LIG1: variants seen among roughly 807,000 people sequenced by gnomAD.
The protein encoded by LIG1 is ligase I, DNA, ATP-dependent.
LIG1 carries 70 observed loss-of-function variants against 115.7 expected under a neutral mutation model. That is an observed-to-expected ratio of 0.60 (90% CI 0.50 to 0.74). The LOEUF (loss-of-function observed/expected upper bound fraction) is 0.74. Among genes scored for constraint, LIG1 ranks in the 30% least tolerant of loss-of-function variants. The probability of loss-of-function intolerance (pLI) is 0.00; values close to 1 mark genes in which losing one functional copy is unlikely to be tolerated. For missense variants in LIG1, 1,115 were observed against 1,225.6 expected (o/e 0.91, Z 1.35); for synonymous variants, 487 against 495.3 (o/e 0.98, Z 0.22).
intron 4 of LIG1, 178 bp downstream of exon 4, chr19:48,161,194 T>C: frequency 1.2e-6 from 1 of 846,918 alleles, no homozygotes; most frequent in Non-Finnish European, 1.9e-6. Flanking sequence ...CCACCCGAGG[T>C]CCTAGGGCAG....
chr19:48,135,641 CA>C (rs2034331186), intron 16 of LIG1, 38 bp downstream of exon 16: 1 of 1,540,376 alleles, frequency 6.5e-7, no homozygotes, highest in Non-Finnish European at 9.0e-7. Context: ...GCACTCTGCC[CA>C]CAGCCCCTGG....
intron 24 of LIG1, among the ~76,000 whole-genome samples, chr19:48,119,608 G>A (rs2033129054): frequency 7.4e-6 from 1 of 135,318 alleles, no homozygotes; most frequent in Non-Finnish European, 1.5e-5. Context: ...GTGCAATCTT[G>A]GCTCACTGCA....
intron 4 of LIG1, among the ~76,000 whole-genome samples, chr19:48,159,080 A>ATT (rs35538558): frequency 0.31 from 44,096 of 140,580 alleles, 7,584 homozygotes; most frequent in East Asian, 0.56. Flanking sequence ...GTCTCAGATA[A>ATT]TTTTTTTTTT....
chr19:48,129,010 T>G (rs2033851620), intron 19 of LIG1, among the ~76,000 whole-genome samples: 2 of 152,050 alleles, frequency 1.3e-5, no homozygotes, highest in South Asian at 4.1e-4. Context: ...TCTGCCTGCT[T>G]TGGCCTCCCA....
chr19:48,161,189 C>A (rs992827325), intron 4 of LIG1, 183 bp downstream of exon 4: 1 of 790,926 alleles, frequency 1.3e-6, no homozygotes. Flanking sequence ...GGAGCCCACC[C>A]GAGGTCCTAG....
intron 9 of LIG1, among the ~76,000 whole-genome samples, chr19:48,145,283 C>T (rs1444543663): frequency 2.0e-5 from 3 of 152,224 alleles, no homozygotes; most frequent in South Asian, 4.1e-4. Context: ...TGCTCTGCCC[C>T]GGCCAGCTGT....
rs1568506347 is a variant in LIG1, at chr19:48,137,531, AGTGAGCCTGG to A, written c.1235_1244del (p.Ala412ValfsTer10). ...GGCCCGCCCCACTCACAGCACTGCC[AGTGAGCCTGG>A]CGATGTCGCGGAACTTGCTGAAGAC... On this transcript the variant is annotated frameshift_variant, in exon 13 of 28. Coordinates refer to ENST00000263274, the MANE Select transcript of LIG1 (RefSeq NM_000234.3). LOFTEE classifies it high-confidence loss of function. This position sits in a 1 kb window ranked among gnomAD's most constrained non-coding sequence, Gnocchi z 4.3. 1 of 1,612,726 alleles carries A rather than the reference AGTGAGCCTGG, an allele frequency of 6.2e-7. No homozygotes were observed. The highest frequency in any genetic ancestry group is 8.5e-7 in the Non-Finnish European group (1 of 1,180,000).
chr19:48,121,467 T>A, intron 23 of LIG1, 145 bp from the exon 24 acceptor site: 1 of 770,516 alleles, frequency 1.3e-6, no homozygotes, highest in Non-Finnish European at 2.0e-6. Context: ...GGATGGCCCC[T>A]GGGAAGAGAC....
chr19:48,145,530 G>C (rs2035059392), intron 9 of LIG1, among the ~76,000 whole-genome samples: 1 of 144,296 alleles, frequency 6.9e-6, no homozygotes, highest in Non-Finnish European at 1.6e-5. Context: ...ATATTTTTCA[G>C]CTCTTCAGCT....
In LIG1 at chr19:48,115,515, TCA is replaced by T; in HGVS notation, c.*132_*133del. The T allele has an allele frequency of 2.7e-5, 19 of 700,688 alleles. No individual in the cohort carries two copies. The highest frequency in any genetic ancestry group is 3.0e-4 in the Middle Eastern group (1 of 3,286). 43.4% of individuals were successfully genotyped at this position (700,688 alleles called of 1,614,324 possible). On this transcript the variant is annotated 3_prime_UTR_variant, in exon 28 of 28. Transcript: ENST00000263274. ...CCAGACTCCGGAGTAAGCCACCCCC[TCA>T]CACACACACCCCTCCCCTGACTCTC...
intron 25 of LIG1, 90 bp from the exon 26 acceptor site, chr19:48,117,871 A>G (rs530940753): frequency 2.3e-5 from 32 of 1,389,022 alleles, no homozygotes; most frequent in Middle Eastern, 1.8e-4. Flanking sequence ...GGAGGAAGGG[A>G]AAAAAACAGG....
intron 18 of LIG1, among the ~76,000 whole-genome samples, chr19:48,132,079 C>G (rs1450714923): frequency 6.6e-6 from 1 of 151,926 alleles, no homozygotes; most frequent in Admixed American, 6.6e-5. Flanking sequence ...GCTGGGACTA[C>G]AGGCACACGC....
intron 9 of LIG1, among the ~76,000 whole-genome samples, chr19:48,145,613 G>A (rs940127375): frequency 6.6e-6 from 1 of 152,140 alleles, no homozygotes; most frequent in African/African-American, 2.4e-5. Flanking sequence ...ATGGCCTTTG[G>A]TATGAACTTG....
rs573383575 is a variant in LIG1 at position 48,122,693 on chromosome 19, C to T, written c.2232+241G>A. ...GGCTCAGGAGAGAGACACCTCATCACGCTGCACCTCGTGGGATGTGCGGTG... is the reference window on the plus strand; with the variant it reads ...GGCTCAGGAGAGAGACACCTCATCATGCTGCACCTCGTGGGATGTGCGGTG... On this transcript the variant is annotated intron_variant, in intron 23 of 27. Transcript: ENST00000263274. This position sits in a 1 kb window ranked among gnomAD's most constrained non-coding sequence, Gnocchi z 4.3. Among the ~76,000 whole-genome samples the T allele has an allele frequency of 2.6e-5, 4 of 152,194 alleles. No individual in the cohort carries two copies. The highest frequency in any genetic ancestry group is 1.9e-4 in the East Asian group (1 of 5,188).
intron 2 of LIG1, 45 bp downstream of exon 2, chr19:48,165,505 A>G: frequency 1.5e-6 from 2 of 1,353,226 alleles, no homozygotes; most frequent in Non-Finnish European, 2.1e-6. Context: ...AAAGAAACAG[A>G]GGACTTGGAG....
chr19:48,154,902 T>G (rs3730886), intron 5 of LIG1, among the ~76,000 whole-genome samples: 6,482 of 152,174 alleles, frequency 0.043, 324 homozygotes, highest in African/African-American at 0.11. Context: ...ACCCCGATCC[T>G]ACCTAATCTC....
chr19:48,147,969 G>T (rs1318143971), intron 9 of LIG1, among the ~76,000 whole-genome samples: 3 of 152,194 alleles, frequency 2.0e-5, no homozygotes, highest in Non-Finnish European at 4.4e-5. Flanking sequence ...GTGGGAAGGA[G>T]CTTATGTCTG....
intron 8 of LIG1, 29 bp downstream of exon 8, chr19:48,150,059 G>A (rs558365617): frequency 2.5e-5 from 40 of 1,613,916 alleles, no homozygotes; most frequent in African/African-American, 6.7e-5. Flanking sequence ...GTACAACCCC[G>A]GGAGGTGGGG....
At chr19:48,118,561 C>CA (rs1289701203) in intron 25 of LIG1, 1 of 63,530 alleles carries the variant, frequency 1.6e-5, no homozygotes, top group Non-Finnish European at 3.4e-5. Context: ...TTTTTTGAGA[C>CA]AGAGTCTCAC....
Sources: allele counts gnomAD v4.1 joint callset (sites outside exome capture counted in the v4.1 genomes callset), GRCh38; gene constraint gnomAD v4.1.1; non-coding constraint Gnocchi (gnomAD v3.1); transcripts MANE v1.5; gene names NCBI Gene and HGNC (gene_info 2026-07-23, HGNC 2026-07-21).